RIMS2: variants seen among roughly 807,000 people sequenced by gnomAD.
RIMS2 encodes the protein regulating synaptic membrane exocytosis 2, also known as regulating synaptic membrane exocytosis protein 2.
Under a neutral mutation model 174.4 loss-of-function variants are expected in RIMS2, and 59 were observed. The ratio of observed to expected loss-of-function variants is 0.34; its 90% CI spans 0.27 to 0.42. RIMS2 has a LOEUF of 0.42. Ranked by LOEUF, RIMS2 falls within the 10% of genes least tolerant of loss-of-function variation. RIMS2 has a pLI of 1.00. For missense variants in RIMS2, 1,620 were observed against 1,666.3 expected (o/e 0.97, Z 0.48); for synonymous variants, 606 against 572.5 (o/e 1.06, Z -0.84).
chr8:103,808,239 G>T (rs2098663506), intron 3 of RIMS2, among the ~76,000 whole-genome samples: 2 of 151,956 alleles, frequency 1.3e-5, no homozygotes, highest in African/African-American at 4.8e-5. Context: ...GTCTTTTATT[G>T]TCTTCCGGGC....
At chr8:103,892,765 C>T (rs1453182931) in intron 4 of RIMS2, among the ~76,000 whole-genome samples, 1 of 151,946 alleles carries the variant, frequency 6.6e-6, no homozygotes, top group Admixed American at 6.6e-5. Flanking sequence ...CTGCCTTGGC[C>T]TCCTGAAGTG....
intron 15 of RIMS2, among the ~76,000 whole-genome samples, chr8:103,967,186 T>G (rs1209796068): frequency 2.3e-5 from 3 of 130,970 alleles, no homozygotes; most frequent in Non-Finnish European, 4.8e-5. Context: ...TTTTTTTTTT[T>G]TTTTTTTTTT....
intron 17 of RIMS2, among the ~76,000 whole-genome samples, chr8:103,991,187 T>G (rs1431941010): frequency 6.6e-6 from 1 of 151,732 alleles, no homozygotes; most frequent in African/African-American, 2.4e-5. Context: ...GCAAAAATGT[T>G]CATATAATTA....
chr8:104,141,275 G>A lies in RIMS2; in HGVS notation c.3335-103641G>A, dbSNP rs1457222519. On this transcript the variant is annotated intron_variant, in intron 19 of 23. Coordinates refer to ENST00000504942, the Ensembl canonical transcript of RIMS2. ...ACTTCCTTCAAACTCATGGTGGAGGGAGAGGTCTATTATTCAATAATTTGG... is the reference window on the plus strand; with the variant it reads ...ACTTCCTTCAAACTCATGGTGGAGGAAGAGGTCTATTATTCAATAATTTGG... 2.0e-5 allele frequency among the ~76,000 whole-genome samples: 3 copies of A among 152,126 alleles called. No homozygotes were observed. In the East Asian group the frequency reaches 5.8e-4, roughly 29 times the overall value.
At chr8:103,660,704 C>T (rs2096589433) in intron 1 of RIMS2, among the ~76,000 whole-genome samples, 1 of 152,158 alleles carries the variant, frequency 6.6e-6, no homozygotes, top group Non-Finnish European at 1.5e-5. Context: ...AATCTTTAAT[C>T]TGAATAATGT....
In RIMS2 at chr8:104,119,375, A is replaced by C. The variant is rs549125468; in HGVS notation, c.3334+104760A>C. On this transcript the variant is annotated intron_variant, in intron 19 of 23. Coordinates refer to ENST00000504942, the Ensembl canonical transcript of RIMS2. ...ACTCCATCTCAAAAACAAAAAAAAC[A>C]AAAAAAACCCATAATTTATTGTACT... Among the ~76,000 whole-genome samples the C allele has an allele frequency of 3.1e-3, 450 of 146,502 alleles. 2 individuals carry two copies. Among genetic ancestry groups the C allele is most frequent in the African/African-American group, 0.011 (412 of 36,750 alleles).
intron 19 of RIMS2, among the ~76,000 whole-genome samples, chr8:104,233,415 G>T (rs1179529216): frequency 6.6e-6 from 1 of 152,076 alleles, no homozygotes; most frequent in East Asian, 1.9e-4. Context: ...AAAACTGAAA[G>T]AAAAATTCCC....
At chr8:104,142,712 C>T (rs12547082) in intron 19 of RIMS2, among the ~76,000 whole-genome samples, 1 of 152,220 alleles carries the variant, frequency 6.6e-6, no homozygotes, top group African/African-American at 2.4e-5. Flanking sequence ...AGATTAATTA[C>T]TAATGGCTAT....
chr8:103,582,751 G>A (rs2093687312), intron 1 of RIMS2, among the ~76,000 whole-genome samples: 1 of 152,140 alleles, frequency 6.6e-6, no homozygotes, highest in Non-Finnish European at 1.5e-5. Context: ...TATGGTTTGA[G>A]TACCAGCTCA....
intron 19 of RIMS2, among the ~76,000 whole-genome samples, chr8:104,070,523 G>T (rs1211621326): frequency 6.6e-6 from 1 of 152,132 alleles, no homozygotes; most frequent in Non-Finnish European, 1.5e-5. Flanking sequence ...TATCAGAAAT[G>T]ATATCTGTGT....
intron 3 of RIMS2, among the ~76,000 whole-genome samples, chr8:103,848,481 T>A (rs1056845981): frequency 6.6e-6 from 1 of 151,998 alleles, no homozygotes; most frequent in Non-Finnish European, 1.5e-5. Flanking sequence ...CTACTTCCAT[T>A]TTATTAGAAA....
At chr8:103,583,897 A>T (rs2093756187) in intron 1 of RIMS2, among the ~76,000 whole-genome samples, 1 of 150,978 alleles carries the variant, frequency 6.6e-6, no homozygotes, top group Non-Finnish European at 1.5e-5. Context: ...TGAGTGGGGG[A>T]AAAACACACA....
chr8:104,235,573 AG>A (rs2099253743), intron 19 of RIMS2, among the ~76,000 whole-genome samples: 1 of 150,902 alleles, frequency 6.6e-6, no homozygotes, highest in African/African-American at 2.5e-5. Flanking sequence ...AATATGAAAA[AG>A]GGAATAATAC....
At chr8:104,041,416 G>A (rs2154557654) in intron 19 of RIMS2, 58 bp downstream of exon 22, 2 of 653,338 alleles carry the variant, frequency 3.1e-6, no homozygotes, top group East Asian at 2.7e-5. Flanking sequence ...TCCTAGAAAT[G>A]TTTAATCATT....
At chr8:104,009,528 C>T (rs2095690503) in intron 17 of RIMS2, among the ~76,000 whole-genome samples, 1 of 151,996 alleles carries the variant, frequency 6.6e-6, no homozygotes. Context: ...AACACCTAAG[C>T]TCAAGCCATC....
intron 17 of RIMS2, among the ~76,000 whole-genome samples, chr8:104,004,513 G>A (rs1353447642): frequency 9.5e-6 from 1 of 104,744 alleles, no homozygotes; most frequent in East Asian, 2.0e-4. Context: ...GGATGGTGAG[G>A]GGGGAAAAAA....
intron 11 of RIMS2, 38 bp from the exon 14 acceptor site, chr8:103,931,225 A>C: frequency 2.7e-6 from 4 of 1,489,262 alleles, no homozygotes; most frequent in Non-Finnish European, 3.7e-6. Flanking sequence ...TTGTGTAGTA[A>C]ATGTTTGAAT....
rs568445376 is a variant in RIMS2 at position 103,750,632 on chromosome 8, G to A, written c.388-15595G>A. Among the ~76,000 whole-genome samples the A allele has an allele frequency of 2.9e-4, 44 of 152,122 alleles. No individual in the cohort carries two copies. The South Asian group carries it at 5.0e-3, about 17-fold the overall frequency. On this transcript the variant is annotated intron_variant, in intron 2 of 23. Transcript: ENST00000504942. ...GTAGAAATCATTGGATCATGGAAGC[G>A]GTTTACCCCATGTTGTTCCCATGTT...
chr8:103,613,780 G>A (rs780230583), intron 1 of RIMS2, among the ~76,000 whole-genome samples: 1 of 152,098 alleles, frequency 6.6e-6, no homozygotes, highest in Non-Finnish European at 1.5e-5. Flanking sequence ...AGCTAGTACT[G>A]GATTCTTCCT....
Sources: allele counts gnomAD v4.1 joint callset (sites outside exome capture counted in the v4.1 genomes callset), GRCh38; gene constraint gnomAD v4.1.1; transcripts MANE v1.5; gene names NCBI Gene and HGNC (gene_info 2026-07-23, HGNC 2026-07-21).